NELL1: variants seen among roughly 807,000 people sequenced by gnomAD.
The protein encoded by NELL1 is neural EGFL like 1.
In NELL1, 76 loss-of-function variants were observed where a neutral mutation model predicts 107.4. The ratio of observed to expected loss-of-function variants is 0.71; its 90% confidence interval spans 0.59 to 0.86. The LOEUF (loss-of-function observed/expected upper bound fraction) is 0.86. NELL1 is among the 40% of genes least tolerant of loss of function. The pLI, the probability that NELL1 is intolerant of heterozygous loss-of-function variation, is 0.00. For synonymous variants in NELL1, 353 were observed against 341.2 expected, an observed-to-expected ratio of 1.03 and a Z score of -0.38; for missense variants, 1,024 against 1,005.5, an observed-to-expected ratio of 1.02 and a Z score of -0.25.
At chr11:21,042,630 T>C (rs987107866) in intron 12 of NELL1, among the ~76,000 whole-genome samples, 1 of 152,056 alleles carries the variant, frequency 6.6e-6, no homozygotes, top group South Asian at 2.1e-4. Context: ...TGGAAACCCA[T>C]TCTGGAGACA....
intron 16 of NELL1, among the ~76,000 whole-genome samples, chr11:21,539,186 A>G (rs1856224744): frequency 6.6e-6 from 1 of 151,782 alleles, no homozygotes; most frequent in Non-Finnish European, 1.5e-5. Context: ...GTGCTCCCAA[A>G]CTCCTTATGG....
chr11:21,403,158 A>T (rs1013063547), intron 15 of NELL1, among the ~76,000 whole-genome samples: 1 of 151,762 alleles, frequency 6.6e-6, no homozygotes, highest in African/African-American at 2.4e-5. Flanking sequence ...TTATAACCCT[A>T]TGCAGAGCCC....
At position 20,722,099 on chromosome 11, in the gene NELL1, G is replaced by C. The variant is rs142135058; in HGVS notation, c.184+44039G>C. On this transcript the variant is annotated intron_variant, in intron 2 of 19. Coordinates refer to ENST00000357134, the MANE Select transcript of NELL1 (RefSeq NM_006157.5). ...GCAGTGGTGTGGATCTCAACTCACT[G>C]CACCTGCATCTCCCAGGTTCAAGTG... 3.7e-3 allele frequency among the ~76,000 whole-genome samples: 506 copies of C among 137,644 alleles called. 3 individuals carry two copies. Among genetic ancestry groups the C allele is most frequent in the African/African-American group, 0.013 (473 of 36,002 alleles). 90.3% of individuals were successfully genotyped at this position (137,644 alleles called of 152,430 possible).
intron 13 of NELL1, among the ~76,000 whole-genome samples, chr11:21,153,946 G>A (rs1856175830): frequency 2.0e-5 from 3 of 152,086 alleles, no homozygotes; most frequent in Admixed American, 2.0e-4. Flanking sequence ...ATTAATTGAG[G>A]TTTTTAAAAT....
intron 15 of NELL1, among the ~76,000 whole-genome samples, chr11:21,406,139 A>G (rs907635087): frequency 6.6e-6 from 1 of 152,132 alleles, no homozygotes; most frequent in Admixed American, 6.6e-5. Context: ...GGAGAAGACA[A>G]TGAAAGAGAG....
intron 5 of NELL1, among the ~76,000 whole-genome samples, chr11:20,912,619 T>C (rs967859092): frequency 3.3e-5 from 5 of 152,162 alleles, no homozygotes; most frequent in African/African-American, 1.2e-4. Flanking sequence ...GCCAAGGCTC[T>C]CCTGTCTTTG....
chr11:21,195,944 T>A (rs905378791), intron 13 of NELL1, among the ~76,000 whole-genome samples: 3 of 152,236 alleles, frequency 2.0e-5, no homozygotes, highest in Non-Finnish European at 2.9e-5. Flanking sequence ...TGTTATTACC[T>A]CCCACCTTGG....
At chr11:20,959,887 G>T (rs1851254767) in intron 11 of NELL1, among the ~76,000 whole-genome samples, 1 of 152,082 alleles carries the variant, frequency 6.6e-6, no homozygotes, top group Admixed American at 6.6e-5. Context: ...TTTAAAATGG[G>T]CAAAGCTAAA....
intron 12 of NELL1, among the ~76,000 whole-genome samples, chr11:21,021,012 A>AACACACACACAC (rs56813080): frequency 0.044 from 6,159 of 140,194 alleles, 302 homozygotes; most frequent in African/African-American, 0.12. Context: ...AGAAACTTAG[A>AACACACACACAC]ACACACACAC....
At chr11:21,452,707 T>C (rs1001000757) in intron 15 of NELL1, among the ~76,000 whole-genome samples, 1 of 152,104 alleles carries the variant, frequency 6.6e-6, no homozygotes, top group Admixed American at 6.5e-5. Context: ...CAGTGTACTT[T>C]GTGTATAAGT....
intron 4 of NELL1, among the ~76,000 whole-genome samples, chr11:20,859,385 T>C (rs1458621665): frequency 1.3e-5 from 2 of 152,220 alleles, no homozygotes; most frequent in African/African-American, 4.8e-5. Context: ...GATAGGTTCA[T>C]GACTTCAACA....
rs555397953 is a variant in NELL1, at chr11:21,214,571, T to C, written c.1427-14761T>C. On this transcript the variant is annotated intron_variant, in intron 13 of 19. Coordinates refer to ENST00000357134, the MANE Select transcript of NELL1 (RefSeq NM_006157.5). ...TGTCAGTTAGGGTATGGAGAAACGA[T>C]CATTCAGACATTGCTGATGAGAATG... Among the ~76,000 whole-genome samples the C allele has an allele frequency of 2.0e-5, 3 of 152,248 alleles. No individual in the cohort carries two copies. In the East Asian group the frequency reaches 5.8e-4, roughly 29 times the overall value.
intron 10 of NELL1, among the ~76,000 whole-genome samples, chr11:20,940,244 C>T (rs562248682): frequency 8.3e-5 from 12 of 144,488 alleles, no homozygotes; most frequent in African/African-American, 3.0e-4. Flanking sequence ...TCTGCAACCC[C>T]TAGACATGGC....
At chr11:21,190,111 G>T (rs1318586456) in intron 13 of NELL1, among the ~76,000 whole-genome samples, 4 of 151,786 alleles carry the variant, frequency 2.6e-5, no homozygotes, top group African/African-American at 9.7e-5. Context: ...CCAGCACTTT[G>T]GGAGGCCGAG....
At chr11:21,201,145 T>A (rs1037752492) in intron 13 of NELL1, among the ~76,000 whole-genome samples, 1 of 152,186 alleles carries the variant, frequency 6.6e-6, no homozygotes, top group African/African-American at 2.4e-5. Flanking sequence ...AAATTTAAAG[T>A]AGTTTTTTCT....
At chr11:21,057,421 T>C (rs1233884639) in intron 12 of NELL1, among the ~76,000 whole-genome samples, 1 of 152,034 alleles carries the variant, frequency 6.6e-6, no homozygotes, top group African/African-American at 2.4e-5. Context: ...CTTAAAATGT[T>C]GCATATCCTC....
At chr11:21,500,350 A>C (rs765493553) in intron 15 of NELL1, among the ~76,000 whole-genome samples, 1 of 152,110 alleles carries the variant, frequency 6.6e-6, no homozygotes, top group African/African-American at 2.4e-5. Flanking sequence ...TCTGTAATAA[A>C]TTTTATAAAT....
chr11:21,278,496 G>C (rs984165870), intron 14 of NELL1, among the ~76,000 whole-genome samples: 1 of 151,958 alleles, frequency 6.6e-6, no homozygotes, highest in African/African-American at 2.4e-5. Flanking sequence ...CTGTATACTG[G>C]CAATGAACAA....
chr11:21,453,559 G>GA (rs567384902), intron 15 of NELL1, among the ~76,000 whole-genome samples: 174 of 150,164 alleles, frequency 1.2e-3, no homozygotes, highest in African/African-American at 4.0e-3. Context: ...ATTAGGTCTT[G>GA]TTTTTTTTTC....
Sources: allele counts gnomAD v4.1 joint callset (sites outside exome capture counted in the v4.1 genomes callset), GRCh38; gene constraint gnomAD v4.1.1; transcripts MANE v1.5; gene names NCBI Gene and HGNC (gene_info 2026-07-23, HGNC 2026-07-21).